Variants in GNA14 observed in about 807,000 individuals in gnomAD.
GNA14 encodes the protein G protein subunit alpha 14.
A neutral mutation model predicts 42.0 loss-of-function variants in GNA14; 50 were observed. The observed-to-expected ratio is 1.19, with a 90% CI of 0.95 to 1.51. The LOEUF is 1.51. GNA14 is among the 40% of genes most tolerant of loss of function. GNA14 has a pLI of 0.00. For missense variants in GNA14, 473 were observed against 446.2 expected, an observed-to-expected ratio of 1.06 and a Z score of -0.54; for synonymous variants, 173 against 163.1, an observed-to-expected ratio of 1.06 and a Z score of -0.46.
intron 2 of GNA14, among the ~76,000 whole-genome samples, chr9:77,497,302 G>A (rs149664314): frequency 5.3e-5 from 8 of 152,240 alleles, no homozygotes; most frequent in East Asian, 1.9e-4. Flanking sequence ...GATCTGGGCC[G>A]GAAATGGACA....
intron 2 of GNA14, among the ~76,000 whole-genome samples, chr9:77,488,215 T>C (rs954533886): frequency 1.3e-5 from 2 of 152,136 alleles, no homozygotes; most frequent in African/African-American, 2.4e-5. Flanking sequence ...GGTGGTAAGA[T>C]AACTGAACTT....
Position 77,434,448 on chromosome 9 carries a change from G to C in GNA14, c.384C>G (p.Ile128Met). Residue 128 changes from isoleucine (I) to methionine (M), a missense_variant, in exon 3 of 7, where the codon ATC becomes ATG. Transcript: ENST00000341700. ...SMLSREQVEAIKQLWQDPGIQ... is the reference protein window; with the variant it reads ...SMLSREQVEAMKQLWQDPGIQ... Reference sequence around the variant, plus strand: ...TGCCTGGATCTTGCCAGAGCTGCTTGATGGCCTCCACCTGCTCCCTGGAGA... The same window carrying C: ...TGCCTGGATCTTGCCAGAGCTGCTTCATGGCCTCCACCTGCTCCCTGGAGA... The C allele has an allele frequency of 6.2e-7, 1 of 1,613,692 alleles. No homozygotes were observed. Among genetic ancestry groups the C allele is most frequent in the South Asian group, 1.1e-5 (1 of 91,082 alleles).
intron 1 of GNA14, among the ~76,000 whole-genome samples, chr9:77,605,557 GTTCA>G (rs1408038972): frequency 1.3e-5 from 2 of 152,124 alleles, no homozygotes; most frequent in African/African-American, 2.4e-5. Flanking sequence ...AGAAAATGTG[GTTCA>G]TTAACACAGT....
intron 1 of GNA14, among the ~76,000 whole-genome samples, chr9:77,575,339 G>A (rs1412400806): frequency 1.3e-5 from 2 of 152,032 alleles, no homozygotes; most frequent in East Asian, 1.9e-4. Context: ...CTGAGATCGC[G>A]CCACTGCACT....
At chr9:77,478,132 T>C (rs1204466109) in intron 2 of GNA14, among the ~76,000 whole-genome samples, 5 of 151,862 alleles carry the variant, frequency 3.3e-5, no homozygotes, top group Admixed American at 6.6e-5. Flanking sequence ...ACCCATTAAC[T>C]CGTCATTTAG....
intron 5 of GNA14, among the ~76,000 whole-genome samples, chr9:77,426,768 G>A (rs1006645538): frequency 2.6e-5 from 4 of 152,300 alleles, no homozygotes; most frequent in East Asian, 1.9e-4. Flanking sequence ...AATCTTATCT[G>A]TGACAATAAT....
chr9:77,562,267 G>C (rs17786093), intron 1 of GNA14, among the ~76,000 whole-genome samples: 2,428 of 152,246 alleles, frequency 0.016, 36 homozygotes, highest in Non-Finnish European at 0.025. Flanking sequence ...CAGTGCTATG[G>C]AAAGTCTGGG....
intron 2 of GNA14, among the ~76,000 whole-genome samples, chr9:77,458,634 C>A (rs1836049127): frequency 6.6e-6 from 1 of 152,192 alleles, no homozygotes; most frequent in South Asian, 2.1e-4. Flanking sequence ...AGAGAACTTG[C>A]ACTGAAGTCT....
At chr9:77,573,718 GAC>G (rs1823092246) in intron 1 of GNA14, among the ~76,000 whole-genome samples, 1 of 152,082 alleles carries the variant, frequency 6.6e-6, no homozygotes, top group Non-Finnish European at 1.5e-5. Context: ...AAAGTTCAAA[GAC>G]AGTGGCCAAA....
At chr9:77,493,583 TTGAG>T (rs1318395937) in intron 2 of GNA14, among the ~76,000 whole-genome samples, 1 of 152,218 alleles carries the variant, frequency 6.6e-6, no homozygotes, top group African/African-American at 2.4e-5. Flanking sequence ...TGTCCACTTA[TTGAG>T]TGAGTTATAT....
intron 2 of GNA14, among the ~76,000 whole-genome samples, chr9:77,502,288 G>A (rs969499152): frequency 7.2e-5 from 11 of 152,076 alleles, no homozygotes; most frequent in Admixed American, 5.2e-4. Flanking sequence ...GGCATATCTC[G>A]ATTGTCCTTG....
intron 1 of GNA14, among the ~76,000 whole-genome samples, chr9:77,545,732 T>C (rs1264214407): frequency 6.6e-6 from 1 of 150,716 alleles, no homozygotes; most frequent in Non-Finnish European, 1.5e-5. Flanking sequence ...ACTTTTCCCA[T>C]AAATTCTCCT....
At chr9:77,434,162 G>C (rs1326134287) in intron 3 of GNA14, among the ~76,000 whole-genome samples, 1 of 152,202 alleles carries the variant, frequency 6.6e-6, no homozygotes, top group Non-Finnish European at 1.5e-5. Flanking sequence ...GGCAGGAAGA[G>C]AGGTCTGCGA....
At chr9:77,441,190 C>G (rs749548090) in intron 2 of GNA14, among the ~76,000 whole-genome samples, 1 of 152,152 alleles carries the variant, frequency 6.6e-6, no homozygotes, top group Non-Finnish European at 1.5e-5. Context: ...TTGTAATTCC[C>G]GTAATCCCCA....
intron 1 of GNA14, among the ~76,000 whole-genome samples, chr9:77,622,628 T>C (rs1166788927): frequency 1.3e-5 from 2 of 151,544 alleles, no homozygotes; most frequent in African/African-American, 4.9e-5. Context: ...CATTCATGCC[T>C]GTAATCCCAG....
chr9:77,474,283 G>C (rs1836379959), intron 2 of GNA14, among the ~76,000 whole-genome samples: 1 of 152,192 alleles, frequency 6.6e-6, no homozygotes, highest in Non-Finnish European at 1.5e-5. Context: ...TATTCAGAAT[G>C]AAGAACGCTT....
At chr9:77,563,639 T>C (rs1172000531) in intron 1 of GNA14, among the ~76,000 whole-genome samples, 4 of 152,136 alleles carry the variant, frequency 2.6e-5, no homozygotes, top group Non-Finnish European at 5.9e-5. Context: ...AAGCAGAACA[T>C]AGAAATAGGA....
chr9:77,627,527 T>C (rs1824028701), intron 1 of GNA14, among the ~76,000 whole-genome samples: 1 of 152,034 alleles, frequency 6.6e-6, no homozygotes, highest in African/African-American at 2.4e-5. Flanking sequence ...CAGCAGCACA[T>C]CAAAAAGCTT....
At position 77,630,977 on chromosome 9, in the gene GNA14, T is replaced by A. The variant is rs555582909; in HGVS notation, c.124+16693A>T. On this transcript the variant is annotated intron_variant, in intron 1 of 6. Transcript: ENST00000341700. ...TTTTCTGCCTTAGGATTGCAAAAAA[T>A]TTGGAAAGAATTCCCAGATATATTG... Among the ~76,000 whole-genome samples, 15 of 152,290 alleles carry A rather than the reference T, an allele frequency of 9.8e-5. No homozygotes were observed. In the South Asian group the frequency reaches 1.5e-3, roughly 15 times the overall value.
Sources: gnomAD v4.1 joint callset for allele counts (sites outside exome capture counted in the v4.1 genomes callset) on GRCh38, gnomAD v4.1.1 for gene constraint, MANE v1.5 for transcripts, NCBI Gene and HGNC (gene_info 2026-07-23, HGNC 2026-07-21) for gene names.